Variants in CYSTM1 observed in about 807,000 individuals in gnomAD.
CYSTM1 encodes the protein cysteine rich transmembrane module containing 1.
In CYSTM1, 4 loss-of-function variants were observed where a neutral mutation model predicts 13.1. The observed-to-expected ratio is 0.31, with a 90% CI of 0.15 to 0.70. The LOEUF is 0.70. Among genes scored for constraint, CYSTM1 ranks in the 30% least tolerant of loss-of-function variants. The pLI, the probability that CYSTM1 is intolerant of heterozygous loss-of-function variation, is 0.72. For missense variants in CYSTM1, 96 were observed against 121.6 expected, an observed-to-expected ratio of 0.79 and a Z score of 0.99; for synonymous variants, 36 against 42.7, an observed-to-expected ratio of 0.84 and a Z score of 0.62.
chr5:140,228,208 C>A (rs1764581885), intron 2 of CYSTM1, among the ~76,000 whole-genome samples: 1 of 152,168 alleles, frequency 6.6e-6, no homozygotes, highest in Non-Finnish European at 1.5e-5. Flanking sequence ...TACAAATTTT[C>A]TGGGTTGCAG....
intron 2 of CYSTM1, among the ~76,000 whole-genome samples, chr5:140,213,010 TGA>T (rs58715539): frequency 0.12 from 14,436 of 116,606 alleles, 1,639 homozygotes; most frequent in South Asian, 0.29. Context: ...TATATATATA[TGA>T]GAGAGAGAGA....
At chr5:140,188,792 A>AG (rs1350749916) in intron 1 of CYSTM1, among the ~76,000 whole-genome samples, 2 of 151,900 alleles carry the variant, frequency 1.3e-5, no homozygotes, top group Non-Finnish European at 2.9e-5. Context: ...AAAAAAAAAA[A>AG]AAAAGAAATA....
At chr5:140,236,741 G>A (rs1413294773) in intron 2 of CYSTM1, among the ~76,000 whole-genome samples, 6 of 152,218 alleles carry the variant, frequency 3.9e-5, no homozygotes, top group African/African-American at 1.2e-4. Flanking sequence ...TGGAAGAACA[G>A]AGCCAGGACC....
intron 2 of CYSTM1, among the ~76,000 whole-genome samples, chr5:140,207,083 G>A (rs1764307850): frequency 6.6e-6 from 1 of 152,180 alleles, no homozygotes; most frequent in Non-Finnish European, 1.5e-5. Context: ...CACATAGACA[G>A]GGCCAGCATC....
In CYSTM1 at chr5:140,187,535, T is replaced by G. The variant is rs544861784; in HGVS notation, c.-20-6911T>G. Among the ~76,000 whole-genome samples the G allele has an allele frequency of 5.9e-5, 9 of 152,134 alleles. No homozygotes were observed. The South Asian group carries it at 1.9e-3, about 32-fold the overall frequency. On this transcript the variant is annotated intron_variant, in intron 1 of 2. Coordinates refer to ENST00000261811, the MANE Select transcript of CYSTM1 (RefSeq NM_032412.4). Reference sequence around the variant, plus strand: ...ATGTATGCCACCACACCCAGCTCAATTTTCCTATTTTTTATAGAGACAAGG... The same window carrying G: ...ATGTATGCCACCACACCCAGCTCAAGTTTCCTATTTTTTATAGAGACAAGG...
chr5:140,212,541 A>T (rs1335392604), intron 2 of CYSTM1, among the ~76,000 whole-genome samples: 4 of 152,156 alleles, frequency 2.6e-5, no homozygotes, highest in Admixed American at 1.3e-4. Context: ...CTCTGGGCTC[A>T]GGTGATCCTC....
chr5:140,196,513 A>G (rs972020697), intron 2 of CYSTM1, among the ~76,000 whole-genome samples: 1 of 152,258 alleles, frequency 6.6e-6, no homozygotes, highest in Non-Finnish European at 1.5e-5. Flanking sequence ...TGAATAGAAT[A>G]TTTGAATACC....
chr5:140,243,611 A>G lies in CYSTM1; in HGVS notation c.*200A>G, dbSNP rs373933859. Reference sequence around the variant, plus strand: ...TTGATCTTTTTAATGTCCAAAATCCATTTCTTATTGATCTTTAAAGATGTG... The same window carrying G: ...TTGATCTTTTTAATGTCCAAAATCCGTTTCTTATTGATCTTTAAAGATGTG... On this transcript the variant is annotated 3_prime_UTR_variant, in exon 3 of 3. Coordinates refer to ENST00000261811, the MANE Select transcript of CYSTM1 (RefSeq NM_032412.4). 4.2e-6 allele frequency: 2 copies of G among 472,758 alleles called. No individual in the cohort carries two copies. The highest frequency in any genetic ancestry group is 7.0e-5 in the South Asian group (2 of 28,506). The allele number at this position is 472,758 out of a possible 1,614,324, so 29.3% of individuals were successfully genotyped here. A position where few individuals can be genotyped will look rare whatever the true frequency, so the allele number is the denominator to read the frequency against.
chr5:140,238,825 T>G lies in CYSTM1; in HGVS notation c.188-4480T>G, dbSNP rs147843940. 2.5e-3 allele frequency among the ~76,000 whole-genome samples: 385 copies of G among 152,374 alleles called. 2 individuals carry two copies. Among genetic ancestry groups the G allele is most frequent in the Non-Finnish European group, 4.2e-3 (283 of 68,040 alleles). On this transcript the variant is annotated intron_variant, in intron 2 of 2. Coordinates refer to ENST00000261811, the MANE Select transcript of CYSTM1 (RefSeq NM_032412.4). Reference sequence around the variant, plus strand: ...GCTGGTTGGCCTCCTTCTGTCGGTCTAGATGCCCAATGCGGGGCAAGGGCA... The same window carrying G: ...GCTGGTTGGCCTCCTTCTGTCGGTCGAGATGCCCAATGCGGGGCAAGGGCA...
At position 140,206,048 on chromosome 5, in the gene CYSTM1, T is replaced by G. The variant is rs113866600; in HGVS notation, c.187+11396T>G. Among the ~76,000 whole-genome samples, 1,410 of 152,280 alleles carry G rather than the reference T, an allele frequency of 9.3e-3. 25 individuals carry two copies. Among genetic ancestry groups the G allele is most frequent in the African/African-American group, 0.033 (1,354 of 41,558 alleles). On this transcript the variant is annotated intron_variant, in intron 2 of 2. Transcript: ENST00000261811. Reference sequence around the variant, plus strand: ...AGCGGGCTGCTGCCACCTCTCTGACTCCTGCCACTTTGCCCCTGCGCCCTC... The same window carrying G: ...AGCGGGCTGCTGCCACCTCTCTGACGCCTGCCACTTTGCCCCTGCGCCCTC...
At chr5:140,235,094 G>C (rs1477028876) in intron 2 of CYSTM1, among the ~76,000 whole-genome samples, 1 of 151,570 alleles carries the variant, frequency 6.6e-6, no homozygotes, top group Non-Finnish European at 1.5e-5. Context: ...AGCCTCCTAA[G>C]TAGCTGGGAT....
chr5:140,194,612 C>T lies in CYSTM1; in HGVS notation c.147C>T (p.Tyr49=), dbSNP rs548296289. 3.2e-5 allele frequency: 51 copies of T among 1,613,226 alleles called. No individual in the cohort carries two copies. Among genetic ancestry groups the T allele is most frequent in the African/African-American group, 1.3e-4 (10 of 74,868 alleles). The change falls in exon 2 of 3, where the codon TAC becomes TAT. Residue 49 remains tyrosine (Y), a synonymous_variant. Coordinates refer to ENST00000261811, the MANE Select transcript of CYSTM1 (RefSeq NM_032412.4). ...QGYPYQGYPQ[Y]GWQGGPQEPP... ...ACCCCTACCAAGGATACCCACAGTA[C>T]GGCTGGCAGGGTGGACCTCAGGAGC...
intron 2 of CYSTM1, among the ~76,000 whole-genome samples, chr5:140,206,026 G>A (rs1304719645): frequency 6.6e-6 from 1 of 152,174 alleles, no homozygotes; most frequent in Non-Finnish European, 1.5e-5. Context: ...CTTTGTGAGC[G>A]GGCTGCTGCC....
chr5:140,200,124 A>C (rs1474526553), intron 2 of CYSTM1: 1 of 152,160 alleles, frequency 6.6e-6, no homozygotes, highest in African/African-American at 2.4e-5. Context: ...CTTTAGTTTA[A>C]TTAGATCCCA....
chr5:140,183,763 G>A (rs1763985948), intron 1 of CYSTM1, among the ~76,000 whole-genome samples: 1 of 152,228 alleles, frequency 6.6e-6, no homozygotes, highest in East Asian at 1.9e-4. Context: ...CTGCATCCAG[G>A]CAGTCCTCTA....
chr5:140,209,496 C>T (rs543549819), intron 2 of CYSTM1, among the ~76,000 whole-genome samples: 1 of 151,494 alleles, frequency 6.6e-6, no homozygotes, highest in South Asian at 2.1e-4. Context: ...GTGGCGTGAT[C>T]TCAGCTCACT....
rs917270839 is a variant in CYSTM1 at position 140,239,999 on chromosome 5, C to T, written c.188-3306C>T. On this transcript the variant is annotated intron_variant, in intron 2 of 2. Transcript: ENST00000261811. The surrounding 1 kb of genome is among the most constrained non-coding windows in gnomAD (Gnocchi z 5.4). ...GGAAACCAGTCCTTAAGACCCTGCC[C>T]GCGTCAGGAGCTGGAACCCAGCTCC... 6.6e-6 allele frequency among the ~76,000 whole-genome samples: 1 copy of T among 152,072 alleles called. No homozygotes were observed. The highest frequency in any genetic ancestry group is 2.4e-5 in the African/African-American group (1 of 41,410).
At chr5:140,233,610 G>A (rs1159492656) in intron 2 of CYSTM1, among the ~76,000 whole-genome samples, 1 of 152,210 alleles carries the variant, frequency 6.6e-6, no homozygotes, top group Admixed American at 6.5e-5. Context: ...TAATGAATGA[G>A]AGTTCCGGTG....
In CYSTM1 at chr5:140,225,276, G is replaced by A. The variant is rs189800396; in HGVS notation, c.188-18029G>A. 6.8e-3 allele frequency among the ~76,000 whole-genome samples: 1,032 copies of A among 152,330 alleles called. 6 individuals carry two copies. The highest frequency in any genetic ancestry group is 0.011 in the Non-Finnish European group (741 of 68,032). On this transcript the variant is annotated intron_variant, in intron 2 of 2. Coordinates refer to ENST00000261811, the MANE Select transcript of CYSTM1 (RefSeq NM_032412.4). Reference sequence around the variant, plus strand: ...ACTGCCCATTCAGGATCAGTGGAACGCTAGGACTGGCAGGTGGTGTAGGCA... The same window carrying A: ...ACTGCCCATTCAGGATCAGTGGAACACTAGGACTGGCAGGTGGTGTAGGCA...
Sources: allele counts gnomAD v4.1 joint callset (sites outside exome capture counted in the v4.1 genomes callset), GRCh38; gene constraint gnomAD v4.1.1; non-coding constraint Gnocchi (gnomAD v3.1); transcripts MANE v1.5; gene names NCBI Gene and HGNC (gene_info 2026-07-23, HGNC 2026-07-21).